Variants in LRP1B observed in about 807,000 individuals in gnomAD.
LRP1B encodes low-density lipoprotein receptor-related protein 1B.
A neutral mutation model predicts 556.6 loss-of-function variants in LRP1B; 217 were observed. The observed-to-expected ratio is 0.39, with a 90% CI of 0.35 to 0.44. The LOEUF is 0.44. LRP1B is among the 20% of genes least tolerant of loss of function. LRP1B has a pLI of 1.00. For missense variants in LRP1B, 5,053 were observed against 5,620.8 expected (o/e 0.90, Z 3.23); for synonymous variants, 2,047 against 1,865.8 (o/e 1.10, Z -2.50).
chr2:141,050,634 C>T (rs576264346), intron 10 of LRP1B, among the ~76,000 whole-genome samples: 1 of 152,130 alleles, frequency 6.6e-6, no homozygotes, highest in East Asian at 1.9e-4. Context: ...AAAATTAACT[C>T]AAGATGGATT....
intron 25 of LRP1B, among the ~76,000 whole-genome samples, chr2:140,872,094 T>G (rs1693151798): frequency 6.6e-6 from 1 of 151,082 alleles, no homozygotes. Flanking sequence ...TTTTTTTTTT[T>G]TTTTGAGCAA....
At chr2:141,549,315 C>G (rs960511057) in intron 2 of LRP1B, among the ~76,000 whole-genome samples, 5 of 152,054 alleles carry the variant, frequency 3.3e-5, no homozygotes, top group African/African-American at 1.2e-4. Context: ...AGGATAGAAG[C>G]TGGCACAAAG....
chr2:141,992,306 G>C (rs756659092), intron 1 of LRP1B, among the ~76,000 whole-genome samples: 1 of 152,080 alleles, frequency 6.6e-6, no homozygotes, highest in Non-Finnish European at 1.5e-5. Flanking sequence ...TTTTGAATGG[G>C]ACCATGGACT....
intron 7 of LRP1B, among the ~76,000 whole-genome samples, chr2:141,101,694 A>G (rs1412475597): frequency 6.6e-6 from 1 of 152,156 alleles, no homozygotes; most frequent in Non-Finnish European, 1.5e-5. Context: ...TTCTTATATT[A>G]GCCTTTTTCA....
At chr2:141,761,021 T>C (rs1694525504) in intron 2 of LRP1B, among the ~76,000 whole-genome samples, 1 of 152,128 alleles carries the variant, frequency 6.6e-6, no homozygotes, top group Non-Finnish European at 1.5e-5. Context: ...ATTTACGGAG[T>C]ATGGGGTTGA....
chr2:140,628,580 A>G (rs560844346), intron 41 of LRP1B, among the ~76,000 whole-genome samples: 44 of 151,906 alleles, frequency 2.9e-4, no homozygotes, highest in Non-Finnish European at 5.0e-4. Context: ...CACTCACACT[A>G]CAAATGTGTA....
intron 2 of LRP1B, among the ~76,000 whole-genome samples, chr2:141,613,031 G>A (rs58008346): frequency 2.0e-5 from 3 of 151,514 alleles, no homozygotes; most frequent in South Asian, 2.1e-4. Flanking sequence ...GGATGGTCTC[G>A]ATCTCCTGAC....
intron 2 of LRP1B, among the ~76,000 whole-genome samples, chr2:141,702,571 G>A (rs1390063200): frequency 1.5e-5 from 2 of 132,414 alleles, no homozygotes; most frequent in African/African-American, 5.9e-5. Context: ...GTGGCCACCT[G>A]TAGGTCTAGT....
chr2:141,087,740 G>A (rs1700081419), intron 7 of LRP1B, among the ~76,000 whole-genome samples: 1 of 152,174 alleles, frequency 6.6e-6, no homozygotes, highest in South Asian at 2.1e-4. Flanking sequence ...AACTTGAAGG[G>A]CAAGTAGGAG....
At chr2:140,537,611 G>C (rs1176889237) in intron 45 of LRP1B, among the ~76,000 whole-genome samples, 2 of 152,112 alleles carry the variant, frequency 1.3e-5, no homozygotes, top group Admixed American at 6.6e-5. Context: ...GAATCAGTGG[G>C]ATGAGGTGCA....
intron 6 of LRP1B, among the ~76,000 whole-genome samples, chr2:141,215,715 T>C (rs911644283): frequency 6.6e-6 from 1 of 152,204 alleles, no homozygotes; most frequent in Non-Finnish European, 1.5e-5. Context: ...TATGGAAGTT[T>C]GAGCTTGAGA....
chr2:141,798,161 A>G (rs1364949086), intron 2 of LRP1B, among the ~76,000 whole-genome samples: 1 of 152,222 alleles, frequency 6.6e-6, no homozygotes, highest in Non-Finnish European at 1.5e-5. Context: ...TGGTTTGGCA[A>G]AAAACATGTA....
intron 76 of LRP1B, 85 bp downstream of exon 76, chr2:140,352,868 C>G (rs1573833160): frequency 7.6e-7 from 1 of 1,323,546 alleles, no homozygotes; most frequent in East Asian, 2.4e-5. Context: ...GAAGCTGTTG[C>G]TGGAATGAAA....
At chr2:140,848,511 T>C (rs1356766590) in intron 29 of LRP1B, among the ~76,000 whole-genome samples, 1 of 152,176 alleles carries the variant, frequency 6.6e-6, no homozygotes, top group African/African-American at 2.4e-5. Flanking sequence ...GCTAGCCTTC[T>C]AGTATTGAAA....
intron 2 of LRP1B, among the ~76,000 whole-genome samples, chr2:141,607,981 T>G (rs1687976346): frequency 6.6e-6 from 1 of 152,074 alleles, no homozygotes; most frequent in African/African-American, 2.4e-5. Flanking sequence ...TTCCAGCACT[T>G]TGGGAGGCCA....
chr2:141,477,295 C>T, intron 3 of LRP1B, among the ~76,000 whole-genome samples: 1 of 84,388 alleles, frequency 1.2e-5, no homozygotes, highest in Admixed American at 1.2e-4. Flanking sequence ...CAGAATTGTT[C>T]TGGAAAAAAA....
chr2:141,247,456 A>G (rs2105328351), intron 4 of LRP1B, 102 bp from the exon 5 acceptor site: 7 of 1,359,292 alleles, frequency 5.1e-6, no homozygotes, highest in Non-Finnish European at 7.1e-6. Context: ...ATAGACTATT[A>G]AGGAAAAGCC....
At chr2:141,514,261 C>T (rs1488151421) in intron 2 of LRP1B, among the ~76,000 whole-genome samples, 1 of 152,112 alleles carries the variant, frequency 6.6e-6, no homozygotes, top group Non-Finnish European at 1.5e-5. Context: ...TTGGAACTCC[C>T]CAAGGGAAAT....
At chr2:140,647,881 C>T (rs542619050) in intron 41 of LRP1B, among the ~76,000 whole-genome samples, 15 of 152,194 alleles carry the variant, frequency 9.9e-5, no homozygotes, top group African/African-American at 3.6e-4. Context: ...GACAGTGTGG[C>T]GATTCCTCAA....
Sources: gnomAD v4.1 joint callset for allele counts (sites outside exome capture counted in the v4.1 genomes callset) on GRCh38, gnomAD v4.1.1 for gene constraint, MANE v1.5 for transcripts, NCBI Gene and HGNC (gene_info 2026-07-23, HGNC 2026-07-21) for gene names.